Variants in ARHGEF10L observed in about 807,000 individuals in gnomAD.
The protein encoded by ARHGEF10L is rho guanine nucleotide exchange factor 10-like protein.
Under a neutral mutation model 141.2 loss-of-function variants are expected in ARHGEF10L, and 69 were observed. That is an observed-to-expected ratio of 0.49 (90% CI 0.40 to 0.60). The LOEUF is 0.60. ARHGEF10L is among the 20% of genes least tolerant of loss of function. The pLI is 0.00. For missense variants in ARHGEF10L, 1,482 were observed against 1,734.3 expected (o/e 0.85, Z 2.58); for synonymous variants, 711 against 718.5 (o/e 0.99, Z 0.17).
At chr1:17,669,411 A>C (rs934724357) in intron 26 of ARHGEF10L, among the ~76,000 whole-genome samples, 3 of 152,190 alleles carry the variant, frequency 2.0e-5, no homozygotes, top group African/African-American at 7.2e-5. Flanking sequence ...ATAGGATCTC[A>C]TTTAATCCTC....
intron 25 of ARHGEF10L, among the ~76,000 whole-genome samples, chr1:17,660,105 G>T (rs757976800): frequency 2.6e-4 from 40 of 152,234 alleles, no homozygotes; most frequent in Non-Finnish European, 4.9e-4. Flanking sequence ...ATGCAGCAGG[G>T]TGCTGGGGCC....
intron 1 of ARHGEF10L, among the ~76,000 whole-genome samples, chr1:17,564,238 C>T (rs114435547): frequency 0.024 from 3,686 of 152,230 alleles, 149 homozygotes; most frequent in African/African-American, 0.082. Flanking sequence ...CAGGTGTTCA[C>T]GGGGACATGT....
intron 6 of ARHGEF10L, among the ~76,000 whole-genome samples, chr1:17,606,093 A>C (rs2081146783): frequency 6.6e-6 from 1 of 152,102 alleles, no homozygotes; most frequent in Non-Finnish European, 1.5e-5. Flanking sequence ...AAGCTCCCCC[A>C]GAGCCACCAT....
chr1:17,558,503 C>T lies in ARHGEF10L; in HGVS notation c.-44+18553C>T, dbSNP rs2077428570. ...GTGGCCAGCTGTCTGTCCCAGTGGT[C>T]ATCATGGGAGACTGCTCTGATGCCA... On this transcript the variant is annotated intron_variant, in intron 1 of 28. Coordinates refer to ENST00000361221, the MANE Select transcript of ARHGEF10L (RefSeq NM_018125.4). The surrounding 1 kb of genome is among the most constrained non-coding windows in gnomAD (Gnocchi z 4.2). Among the ~76,000 whole-genome samples, 1 of 152,218 alleles carries T rather than the reference C, an allele frequency of 6.6e-6. No individual in the cohort carries two copies. The highest frequency in any genetic ancestry group is 2.1e-4 in the South Asian group (1 of 4,828).
At chr1:17,520,477 T>A in the ARHGEF10L span, among the ~76,000 whole-genome samples, 1 of 152,246 alleles carries the variant, frequency 6.6e-6, no homozygotes, top group Non-Finnish European at 1.5e-5. Context: ...CCTTTCTCTT[T>A]TTAACCATCT....
In ARHGEF10L at chr1:17,580,702, G is replaced by T; in HGVS notation, c.37+70G>T. 3 of 1,593,736 alleles carry T rather than the reference G, an allele frequency of 1.9e-6. No homozygotes were observed. In the South Asian group the frequency reaches 3.3e-5, roughly 18 times the overall value. ...GGGGGCCGCTGGGGGCCGGCGGAGGGCCTTGCTCTGGAGCAGCATGGCGCC... is the reference window on the plus strand; with the variant it reads ...GGGGGCCGCTGGGGGCCGGCGGAGGTCCTTGCTCTGGAGCAGCATGGCGCC... On this transcript the variant is annotated intron_variant, in intron 2 of 28. Coordinates refer to ENST00000361221, the MANE Select transcript of ARHGEF10L (RefSeq NM_018125.4).
chr1:17,533,807 G>C, the ARHGEF10L span, among the ~76,000 whole-genome samples: 2 of 152,104 alleles, frequency 1.3e-5, no homozygotes, highest in African/African-American at 4.8e-5. Flanking sequence ...ACGTGACCTA[G>C]TCTCTCTTTG....
rs529756670 is a variant in ARHGEF10L, at chr1:17,673,934, TGGTGGAGCCAGGATCTCAG to T, written c.3009+9344_3009+9362del. ...AGGGTGACTGGGACCACACACTCGT[TGGTGGAGCCAGGATCTCAG>T]GGTGCCTCTGATTCTGAAGCCCCCA... On this transcript the variant is annotated intron_variant, in intron 26 of 28. Coordinates refer to ENST00000361221, the MANE Select transcript of ARHGEF10L (RefSeq NM_018125.4). This position sits in a 1 kb window ranked among gnomAD's most constrained non-coding sequence, Gnocchi z 4.1. 2.1e-4 allele frequency among the ~76,000 whole-genome samples: 32 copies of T among 152,272 alleles called. No individual in the cohort carries two copies. Among genetic ancestry groups the T allele is most frequent in the African/African-American group, 7.2e-4 (30 of 41,520 alleles).
At chr1:17,534,367 C>T in the ARHGEF10L span, among the ~76,000 whole-genome samples, 4 of 151,902 alleles carry the variant, frequency 2.6e-5, 1 homozygote, top group South Asian at 6.2e-4. Flanking sequence ...TGTGATCTGC[C>T]CCACCTCGGC....
At chr1:17,657,717 T>C (rs1047513070) in intron 25 of ARHGEF10L, among the ~76,000 whole-genome samples, 4 of 152,224 alleles carry the variant, frequency 2.6e-5, no homozygotes, top group African/African-American at 9.6e-5. Flanking sequence ...GAAAAAACCC[T>C]TCTCACCGTC....
intron 9 of ARHGEF10L, among the ~76,000 whole-genome samples, chr1:17,616,587 C>T (rs2059819413): frequency 6.6e-6 from 1 of 152,212 alleles, no homozygotes; most frequent in African/African-American, 2.4e-5. Context: ...TTACGGAATC[C>T]TACTAAGCGC....
chr1:17,647,976 C>T (rs2061695588), intron 21 of ARHGEF10L, among the ~76,000 whole-genome samples: 2 of 152,090 alleles, frequency 1.3e-5, no homozygotes. Flanking sequence ...GGTGGGTGAA[C>T]TGGAGGCAGG....
chr1:17,659,754 A>G (rs2062495330), intron 25 of ARHGEF10L, among the ~76,000 whole-genome samples: 2 of 152,352 alleles, frequency 1.3e-5, no homozygotes, highest in East Asian at 1.9e-4. Context: ...GGCTGAGACC[A>G]AGACTGGCAT....
chr1:17,602,041 C>A, intron 4 of ARHGEF10L, 86 bp from the exon 5 acceptor site: 1 of 1,278,846 alleles, frequency 7.8e-7, no homozygotes, highest in Non-Finnish European at 1.1e-6. Flanking sequence ...TTTTGCCCAT[C>A]ATGTCCCGCT....
chr1:17,606,547 G>A (rs936691825), intron 6 of ARHGEF10L, among the ~76,000 whole-genome samples: 6 of 151,342 alleles, frequency 4.0e-5, no homozygotes, highest in African/African-American at 1.5e-4. Flanking sequence ...ACCCATCTCA[G>A]CCTCCCAAAG....
Position 17,634,558 on chromosome 1 carries a change from C to A in ARHGEF10L, c.1741C>A (p.His581Asn). Residue 581 changes from histidine (H) to asparagine (N), a missense_variant, in exon 17 of 29, where the codon CAC becomes AAC. Coordinates refer to ENST00000361221, the MANE Select transcript of ARHGEF10L (RefSeq NM_018125.4). ...CANINFKPAN[H>N]RGQLEISSLV... ...TGTCTTTTTTCCCAGGCCTGCCAAC[C>A]ACAGGTACGTGGTTCAGGGGGCTCC... 1 of 1,614,072 alleles carries A rather than the reference C, an allele frequency of 6.2e-7. No homozygotes were observed. Among genetic ancestry groups the A allele is most frequent in the Non-Finnish European group, 8.5e-7 (1 of 1,179,982 alleles).
At chr1:17,544,253 A>G (rs1463739475) in intron 1 of ARHGEF10L, among the ~76,000 whole-genome samples, 8 of 151,208 alleles carry the variant, frequency 5.3e-5, no homozygotes, top group African/African-American at 1.7e-4. Flanking sequence ...GTGACTGGCC[A>G]TAAATTTTAT....
intron 9 of ARHGEF10L, among the ~76,000 whole-genome samples, chr1:17,616,427 G>A (rs984529071): frequency 1.3e-5 from 2 of 152,196 alleles, no homozygotes; most frequent in African/African-American, 4.8e-5. Flanking sequence ...GGAGAGCTGG[G>A]CCTCTTCTTT....
In ARHGEF10L at chr1:17,695,158, G is replaced by A. The variant is rs564961041; in HGVS notation, c.3185G>A (p.Gly1062Asp). ...GCTCAGCCGCCCTCTCTTTCTGCAG[G>A]CCAGAAGCACTTGTGTGTCACCAGC... The part of the protein sequence containing the change: ...IATRTTFLLP[G>D]QKHLCVTSLL... The change falls in exon 28 of 29, where the codon GGC (glycine) becomes GAC (aspartate). Residue 1062 changes from glycine (G) to aspartate (D), a missense_variant and splice_region_variant. This residue lies in a region of ARHGEF10L where 858 missense variants were observed against 966.3 expected (regional missense o/e 0.89). Coordinates refer to ENST00000361221, the MANE Select transcript of ARHGEF10L (RefSeq NM_018125.4). The A allele has an allele frequency of 5.6e-6, 9 of 1,612,682 alleles. No individual in the cohort carries two copies. In the South Asian group the frequency reaches 8.8e-5, roughly 16 times the overall value.
Sources: allele counts gnomAD v4.1 joint callset (sites outside exome capture counted in the v4.1 genomes callset), GRCh38; gene constraint gnomAD v4.1.1; regional missense constraint gnomAD v4.1.1; non-coding constraint Gnocchi (gnomAD v3.1); transcripts MANE v1.5; gene names NCBI Gene and HGNC (gene_info 2026-07-23, HGNC 2026-07-21).